The following DGKZ variants were observed in gnomAD, a reference collection of about 807,000 sequenced individuals.
DGKZ encodes the protein diacylglycerol kinase zeta.
Under a neutral mutation model 142.5 loss-of-function variants are expected in DGKZ, and 45 were observed. That is an observed-to-expected ratio of 0.32 (90% CI 0.25 to 0.40). DGKZ has a LOEUF of 0.40. Ranked by LOEUF, DGKZ falls within the 10% of genes least tolerant of loss-of-function variation. DGKZ has a pLI of 1.00. For synonymous variants in DGKZ, 442 were observed against 527.0 expected (o/e 0.84, Z 2.21); for missense variants, 755 against 1,306.5 (o/e 0.58, Z 6.51).
chr11:46,361,633 G>A (rs751175071), intron 1 of DGKZ: 303 of 985,570 alleles, frequency 3.1e-4, no homozygotes, highest in Middle Eastern at 5.2e-4. Context: ...AGCAGAGGCC[G>A]CCAGCCCGGA....
chr11:46,359,239 G>A (rs950443355), intron 1 of DGKZ, among the ~76,000 whole-genome samples: 3 of 152,074 alleles, frequency 2.0e-5, no homozygotes, highest in South Asian at 2.1e-4. Flanking sequence ...TCAGGAGTTC[G>A]AGGTCAGCCT....
rs948859545 is a variant in DGKZ at position 46,337,287 on chromosome 11, CTTTTTTTTTTTTTTT to C, written c.212+3812_212+3826del. On this transcript the variant is annotated intron_variant, in intron 1 of 30. Transcript: ENST00000343674. The stretch of plus-strand genomic sequence containing the variant: ...CTGGGGGTCTCTTTTTAAATGGGTT[CTTTTTTTTTTTTTTT>C]TTTTTTTTTTTGAGACAGAGTCTCA... Among the ~76,000 whole-genome samples the C allele has an allele frequency of 7.0e-5, 6 of 86,300 alleles. No homozygotes were observed. In the South Asian group the frequency reaches 1.9e-3, roughly 27 times the overall value. The allele number at this position is 86,300 out of a possible 152,430, so 56.6% of individuals were successfully genotyped here.
At chr11:46,350,814 G>A (rs1484640409) in intron 1 of DGKZ, among the ~76,000 whole-genome samples, 3 of 151,610 alleles carry the variant, frequency 2.0e-5, no homozygotes, top group Non-Finnish European at 2.9e-5. Context: ...CACAACTGGC[G>A]TCATCCTCTC....
At chr11:46,361,721 C>G (rs1478731830) in intron 1 of DGKZ, 14 of 964,390 alleles carry the variant, frequency 1.5e-5, no homozygotes, top group Non-Finnish European at 1.7e-5. Context: ...AAAGGGGCCC[C>G]CAGCCCCTCC....
intron 1 of DGKZ, among the ~76,000 whole-genome samples, chr11:46,351,054 G>T (rs987186464): frequency 7.2e-5 from 11 of 151,782 alleles, no homozygotes; most frequent in African/African-American, 2.4e-4. Context: ...GGGCAGGCAG[G>T]ACCTTTCCAT....
At chr11:46,356,037 G>A (rs980299003) in intron 1 of DGKZ, among the ~76,000 whole-genome samples, 4 of 152,258 alleles carry the variant, frequency 2.6e-5, no homozygotes, top group East Asian at 1.9e-4. Context: ...TGAGCCACCC[G>A]CCCGGCCAGG....
chr11:46,362,228 A>G (rs991861572), intron 1 of DGKZ, among the ~76,000 whole-genome samples: 22 of 152,154 alleles, frequency 1.4e-4, no homozygotes, highest in African/African-American at 4.8e-4. Flanking sequence ...CAGAAGGCGG[A>G]CGAGGCCCTG....
At chr11:46,362,892 T>G (rs925989671) in intron 1 of DGKZ, among the ~76,000 whole-genome samples, 2 of 152,208 alleles carry the variant, frequency 1.3e-5, no homozygotes, top group African/African-American at 2.4e-5. Context: ...GTCTCCTGAC[T>G]TCCTCTGTCC....
chr11:46,347,190 A>C (rs1023392367), upstream of DGKZ, among the ~76,000 whole-genome samples: 3 of 152,014 alleles, frequency 2.0e-5, no homozygotes, highest in Non-Finnish European at 4.4e-5. This position sits in a 1 kb window ranked among gnomAD's most constrained non-coding sequence, Gnocchi z 6.4. Flanking sequence ...TCGGGGGAGG[A>C]AAGATGCGCG....
chr11:46,353,861 A>G (rs941751258), intron 1 of DGKZ, among the ~76,000 whole-genome samples: 2 of 152,218 alleles, frequency 1.3e-5, no homozygotes, highest in African/African-American at 2.4e-5. Context: ...GCACATGCCA[A>G]AATAGCTGTC....
chr11:46,367,809 G>C lies in DGKZ; in HGVS notation c.366+62G>C. The C allele has an allele frequency of 1.2e-6, 2 of 1,601,214 alleles. No homozygotes were observed. Among genetic ancestry groups the C allele is most frequent in the Non-Finnish European group, 1.7e-6 (2 of 1,170,380 alleles). On this transcript the variant is annotated intron_variant, in intron 3 of 30. Transcript: ENST00000527911. The surrounding 1 kb of genome is among the most constrained non-coding windows in gnomAD (Gnocchi z 4.1). ...GGAGCCAGTAGCCGCAGCCCTTCCG[G>C]GAACGTGGGATTGAGCCCGCTCCCT...
chr11:46,351,239 G>A (rs1941345337), intron 1 of DGKZ, among the ~76,000 whole-genome samples: 1 of 152,098 alleles, frequency 6.6e-6, no homozygotes, highest in African/African-American at 2.4e-5. Flanking sequence ...ACACCCCAGG[G>A]GCATCAGAAA....
At chr11:46,348,357 C>T (rs1203281859) in intron 1 of DGKZ, among the ~76,000 whole-genome samples, 1 of 152,198 alleles carries the variant, frequency 6.6e-6, no homozygotes, top group Non-Finnish European at 1.5e-5. Context: ...TGGCTTGTCC[C>T]CAAGCTCTGG....
chr11:46,356,171 G>A (rs919711969), intron 1 of DGKZ, among the ~76,000 whole-genome samples: 3 of 152,196 alleles, frequency 2.0e-5, no homozygotes, highest in Admixed American at 6.5e-5. Flanking sequence ...GGGGGCCCGC[G>A]AGGGGTTTAT....
At chr11:46,333,790 G>A (rs1309940489) in intron 1 of DGKZ, among the ~76,000 whole-genome samples, 1 of 152,150 alleles carries the variant, frequency 6.6e-6, no homozygotes, top group African/African-American at 2.4e-5. Flanking sequence ...CTGCTGGGGA[G>A]AGCCAGGAGA....
chr11:46,372,894 C>T lies in DGKZ; in HGVS notation c.1185+10C>T. 6.4e-7 allele frequency: 1 copy of T among 1,571,220 alleles called. No homozygotes were observed. Among genetic ancestry groups the T allele is most frequent in the Non-Finnish European group, 8.6e-7 (1 of 1,158,140 alleles). ...CCTCAACTGGGGTGGGGTAAGCACC[C>T]ATAGGAGGGGGGTGCAGCTGGGGCC... is the stretch of plus-strand genomic sequence containing the variant. On this transcript the variant is annotated intron_variant, in intron 13 of 30. Transcript: ENST00000527911. This position sits in a 1 kb window ranked among gnomAD's most constrained non-coding sequence, Gnocchi z 5.9.
chr11:46,355,387 C>T (rs1941891764), intron 1 of DGKZ, among the ~76,000 whole-genome samples: 1 of 152,204 alleles, frequency 6.6e-6, no homozygotes, highest in East Asian at 1.9e-4. Context: ...GGATTACAGG[C>T]ATGAGCCACC....
intron 22 of DGKZ, 79 bp downstream of exon 22, chr11:46,376,224 G>A (rs1350351974): frequency 1.2e-6 from 2 of 1,606,108 alleles, no homozygotes; most frequent in African/African-American, 2.7e-5. Flanking sequence ...CCCGCAGCCA[G>A]CTCGCCCTGC....
chr11:46,371,163 A>T, intron 6 of DGKZ, 150 bp from the exon 7 acceptor site: 1 of 677,394 alleles, frequency 1.5e-6, no homozygotes, highest in Non-Finnish European at 2.6e-6. Flanking sequence ...GGGGGGGCTG[A>T]GGCAGATTGC....
Sources: gnomAD v4.1 joint callset for allele counts (sites outside exome capture counted in the v4.1 genomes callset) on GRCh38, gnomAD v4.1.1 for gene constraint, Gnocchi (gnomAD v3.1) non-coding constraint, MANE v1.5 for transcripts, NCBI Gene and HGNC (gene_info 2026-07-23, HGNC 2026-07-21) for gene names.